SMARCA2: variants seen among roughly 807,000 people sequenced by gnomAD.
SMARCA2 encodes SWI/SNF related BAF chromatin remodeling complex subunit ATPase 2.
In SMARCA2, 61 loss-of-function variants were observed where a neutral mutation model predicts 199.8. The observed-to-expected ratio is 0.31, with a 90% CI of 0.25 to 0.38. The LOEUF (loss-of-function observed/expected upper bound fraction) is 0.38. SMARCA2 is among the 10% of genes least tolerant of loss of function. SMARCA2 has a pLI of 1.00. For missense variants in SMARCA2, 1,344 were observed against 2,012.2 expected (o/e 0.67, Z 6.35); for synonymous variants, 935 against 732.0 (o/e 1.28, Z -4.48).
intron 8 of SMARCA2, among the ~76,000 whole-genome samples, 192 bp downstream of exon 8, chr9:2,058,656 A>AG (rs1820458719): frequency 1.3e-5 from 2 of 152,174 alleles, no homozygotes; most frequent in Non-Finnish European, 2.9e-5. Context: ...CCAAAAATCT[A>AG]GGGGGATGAC....
intron 21 of SMARCA2, among the ~76,000 whole-genome samples, chr9:2,101,109 G>A (rs577238532): frequency 6.6e-6 from 1 of 152,262 alleles, no homozygotes; most frequent in Admixed American, 6.5e-5. Context: ...GGGAATTATA[G>A]GAGCTATAAT....
chr9:2,134,675 T>C (rs573634536), intron 27 of SMARCA2, among the ~76,000 whole-genome samples: 4 of 152,150 alleles, frequency 2.6e-5, no homozygotes, highest in Non-Finnish European at 5.9e-5. Context: ...TGGACTGATG[T>C]TTATGTCCCT....
Position 2,060,979 on chromosome 9 carries a change from G to GGAA in SMARCA2, c.1690_1692dup (p.Lys565dup), listed in dbSNP as rs1820563753. ...AAAGAGAAGAAGAAGAGGAGGAGGA[G>GGAA]GAAGAAGGTGCGTATCCTAGTGGTG... On this transcript the variant is annotated inframe_insertion, in exon 9 of 34. Transcript: ENST00000349721. 1.2e-6 allele frequency: 2 copies of GGAA among 1,613,390 alleles called. No individual in the cohort carries two copies. The highest frequency in any genetic ancestry group is 2.2e-5 in the South Asian group (2 of 91,004).
At chr9:2,133,663 T>G (rs7049202) in intron 27 of SMARCA2, among the ~76,000 whole-genome samples, 50,687 of 150,104 alleles carry the variant, frequency 0.34, 14,890 homozygotes, top group African/African-American at 0.8. Context: ...AAAAAAAAAG[T>G]CTACATGAAG....
chr9:2,084,291 T>C (rs1378667145), intron 17 of SMARCA2, 95 bp downstream of exon 17: 1 of 651,640 alleles, frequency 1.5e-6, no homozygotes, highest in Non-Finnish European at 2.6e-6. Flanking sequence ...GATCCTTAGA[T>C]GGCTTGTCCT....
rs1467234002 is a variant in SMARCA2 at position 2,040,209 on chromosome 9, A to G, written c.790+309A>G. Reference sequence around the variant, plus strand: ...TTCTTGGAAGCCCATCCACACACACAAGGTTAAGAACCTCTGGACTTAGTG... The same window carrying G: ...TTCTTGGAAGCCCATCCACACACACGAGGTTAAGAACCTCTGGACTTAGTG... On this transcript the variant is annotated intron_variant, in intron 4 of 33. Transcript: ENST00000349721. The G allele has an allele frequency of 2.3e-5, 13 of 574,246 alleles. No individual in the cohort carries two copies. In the Admixed American group the frequency reaches 4.3e-4, roughly 19 times the overall value. The allele number at this position is 574,246 out of a possible 1,614,324, so 35.6% of individuals were successfully genotyped here. A position where few individuals can be genotyped will look rare whatever the true frequency, so the allele number is the denominator to read the frequency against.
At chr9:2,030,114 A>G (rs1818998759) in intron 2 of SMARCA2, among the ~76,000 whole-genome samples, 1 of 152,230 alleles carries the variant, frequency 6.6e-6, no homozygotes, top group Admixed American at 6.5e-5. Context: ...ACAGGTGGAT[A>G]GGGTGGCAGG....
At chr9:2,153,015 A>G (rs1020933563) in intron 27 of SMARCA2, among the ~76,000 whole-genome samples, 1 of 152,158 alleles carries the variant, frequency 6.6e-6, no homozygotes, top group African/African-American at 2.4e-5. Flanking sequence ...CTATCAAGAA[A>G]ACGATGAAGA....
intron 2 of SMARCA2, chr9:2,032,672 C>G (rs894543701): frequency 7.7e-6 from 2 of 259,196 alleles, no homozygotes. Flanking sequence ...ATTTGTCTAC[C>G]TTGTGACCAG....
intron 14 of SMARCA2, 62 bp from the exon 15 acceptor site, chr9:2,081,770 T>A: frequency 6.7e-7 from 1 of 1,492,046 alleles, no homozygotes. Flanking sequence ...TCACTTGGGT[T>A]GTATTAGGAT....
Position 2,182,165 on chromosome 9 carries a change from C to G in SMARCA2, c.4384C>G (p.Arg1462Gly). The change falls in exon 31 of 34, where the codon CGG becomes GGG. Residue 1462 changes from arginine (R) to glycine (G), a missense_variant. This residue lies in a region of SMARCA2 where 151 missense variants were observed against 154.0 expected (regional missense o/e 0.98). Coordinates refer to ENST00000349721, the MANE Select transcript of SMARCA2 (RefSeq NM_003070.5). ...IKERIRNHKY[R>G]SLGDLEKDVM... ...GGAAAGGATTCGTAATCATAAGTAC[C>G]GGAGCCTAGGCGACCTGGAGAAGGA... 6.2e-7 allele frequency: 1 copy of G among 1,612,064 alleles called. No individual in the cohort carries two copies. Among genetic ancestry groups the G allele is most frequent in the Non-Finnish European group, 8.5e-7 (1 of 1,178,260 alleles).
intron 24 of SMARCA2, among the ~76,000 whole-genome samples, chr9:2,113,562 G>T (rs3793498): frequency 6.6e-6 from 1 of 151,896 alleles, no homozygotes; most frequent in Non-Finnish European, 1.5e-5. Flanking sequence ...TTTGGCTTAG[G>T]GACTCAAGCT....
intron 29 of SMARCA2, among the ~76,000 whole-genome samples, chr9:2,172,277 A>G (rs914416690): frequency 2.6e-5 from 4 of 152,174 alleles, no homozygotes; most frequent in Admixed American, 2.6e-4. Flanking sequence ...TTAAAGCACA[A>G]TTGGAAAGAG....
chr9:2,116,143 G>C, intron 25 of SMARCA2, 94 bp downstream of exon 25: 1 of 912,966 alleles, frequency 1.1e-6, no homozygotes, highest in Non-Finnish European at 1.7e-6. Flanking sequence ...AACTTCCTGG[G>C]CTGGCGTTAA....
intron 24 of SMARCA2, among the ~76,000 whole-genome samples, chr9:2,113,497 G>A (rs985250460): frequency 6.6e-6 from 1 of 152,176 alleles, no homozygotes; most frequent in Non-Finnish European, 1.5e-5. Flanking sequence ...TCAGAAACAT[G>A]GAGTAATCCA....
intron 24 of SMARCA2, among the ~76,000 whole-genome samples, chr9:2,113,347 C>T (rs548533952): frequency 6.6e-6 from 1 of 152,234 alleles, no homozygotes; most frequent in South Asian, 2.1e-4. Context: ...TTTTTACCCA[C>T]GGAGCTGCAG....
chr9:2,083,731 C>G (rs558808114), intron 16 of SMARCA2, among the ~76,000 whole-genome samples: 1 of 152,266 alleles, frequency 6.6e-6, no homozygotes, highest in South Asian at 2.1e-4. Context: ...CTGACTGTTC[C>G]TGCAAAGTCA....
At chr9:2,023,826 A>T (rs551537501) in intron 1 of SMARCA2, among the ~76,000 whole-genome samples, 31 of 152,348 alleles carry the variant, frequency 2.0e-4, no homozygotes, top group Admixed American at 9.1e-4. Flanking sequence ...AGAAAGCCAC[A>T]TACAAAACAA....
intron 29 of SMARCA2, among the ~76,000 whole-genome samples, chr9:2,176,213 T>G (rs575790898): frequency 6.9e-6 from 1 of 144,000 alleles, no homozygotes; most frequent in African/African-American, 2.6e-5. Context: ...TATAATGACG[T>G]AACAAGCATT....
Sources: allele counts gnomAD v4.1 joint callset (sites outside exome capture counted in the v4.1 genomes callset), GRCh38; gene constraint gnomAD v4.1.1; regional missense constraint gnomAD v4.1.1; transcripts MANE v1.5; gene names NCBI Gene and HGNC (gene_info 2026-07-23, HGNC 2026-07-21).